Variants in DNAH6 observed in about 807,000 individuals in gnomAD.
DNAH6 encodes the protein dynein axonemal heavy chain 6, also known as axonemal beta dynein heavy chain 6.
In DNAH6, 340 loss-of-function variants were observed where a neutral mutation model predicts 491.4. That is an observed-to-expected ratio of 0.69 (90% CI 0.63 to 0.76). DNAH6 has a LOEUF of 0.76. Among genes scored for constraint, DNAH6 ranks in the 30% least tolerant of loss-of-function variants. The pLI is 0.00. For missense variants in DNAH6, 4,443 were observed against 4,972.2 expected, an observed-to-expected ratio of 0.89 and a Z score of 3.20; for synonymous variants, 1,603 against 1,686.1, an observed-to-expected ratio of 0.95 and a Z score of 1.21.
chr2:84,771,631 C>T (rs1194012139), intron 64 of DNAH6, among the ~76,000 whole-genome samples: 1 of 152,158 alleles, frequency 6.6e-6, no homozygotes, highest in East Asian at 1.9e-4. Flanking sequence ...ATGGCTGATT[C>T]TCATCAGAAT....
At chr2:84,804,539 G>C (rs1476977501) in intron 70 of DNAH6, among the ~76,000 whole-genome samples, 2 of 151,752 alleles carry the variant, frequency 1.3e-5, no homozygotes, top group Non-Finnish European at 1.5e-5. Flanking sequence ...TGGAAAGTAA[G>C]TATCATGAAT....
At chr2:84,793,965 G>A (rs1363108549) in intron 68 of DNAH6, among the ~76,000 whole-genome samples, 10 of 152,172 alleles carry the variant, frequency 6.6e-5, no homozygotes, top group African/African-American at 2.4e-4. Context: ...CATGATACTG[G>A]TACCAAAACA....
intron 63 of DNAH6, among the ~76,000 whole-genome samples, chr2:84,750,268 T>C (rs879417582): frequency 6.9e-6 from 1 of 145,474 alleles, no homozygotes; most frequent in Non-Finnish European, 1.5e-5. Flanking sequence ...CTCCACTCAC[T>C]GCAACCTCTG....
chr2:84,476,809 A>G, the DNAH6 span, among the ~76,000 whole-genome samples: 1 of 152,202 alleles, frequency 6.6e-6, no homozygotes, highest in Admixed American at 6.5e-5. Context: ...CTGAATACTA[A>G]CTTTCACTCC....
rs79922678 is a variant in DNAH6, at chr2:84,651,260, G to A, written c.5079-2059G>A. The stretch of plus-strand genomic sequence containing the variant: ...TCATTATTCTTGGGTAGGGCTGGAA[G>A]TCCAGGCTTCCCATATGGTCTACAC... On this transcript the variant is annotated intron_variant, in intron 33 of 76. Transcript: ENST00000389394. Among the ~76,000 whole-genome samples, 399 of 152,292 alleles carry A rather than the reference G, an allele frequency of 2.6e-3. 20 individuals are homozygous for A. In the East Asian group the frequency reaches 0.063, roughly 24 times the overall value.
intron 73 of DNAH6, 55 bp downstream of exon 73, chr2:84,812,581 A>G: frequency 6.9e-7 from 1 of 1,450,466 alleles, no homozygotes; most frequent in Non-Finnish European, 9.4e-7. Flanking sequence ...AGTTGGCCTA[A>G]GGTCCCTAGG....
At chr2:84,734,937 G>C (rs147871354) in intron 62 of DNAH6, among the ~76,000 whole-genome samples, 1 of 152,028 alleles carries the variant, frequency 6.6e-6, no homozygotes, top group African/African-American at 2.4e-5. Flanking sequence ...TACGTGTGCT[G>C]GTTTGTTACA....
chr2:84,695,330 T>C (rs1695273053), intron 46 of DNAH6, among the ~76,000 whole-genome samples: 1 of 151,898 alleles, frequency 6.6e-6, no homozygotes, highest in African/African-American at 2.4e-5. Flanking sequence ...GCCTTGCAAG[T>C]TGATAATGGT....
At chr2:84,665,855 A>C (rs939988517) in intron 37 of DNAH6, among the ~76,000 whole-genome samples, 5 of 152,194 alleles carry the variant, frequency 3.3e-5, no homozygotes, top group Admixed American at 2.6e-4. Context: ...ATCCTCAATA[A>C]AATGCTGGCA....
At chr2:84,796,634 G>A (rs572509112) in intron 69 of DNAH6, among the ~76,000 whole-genome samples, 9 of 152,206 alleles carry the variant, frequency 5.9e-5, no homozygotes, top group Admixed American at 3.9e-4. Flanking sequence ...GAATTACTTC[G>A]ATTTTAAAGC....
intron 64 of DNAH6, chr2:84,777,914 G>C (rs1232408449): frequency 1.7e-6 from 2 of 1,145,554 alleles, no homozygotes. Flanking sequence ...GTTCACGTTA[G>C]GCTGGACCAA....
At chr2:84,542,553 T>C (rs1389575981) in intron 4 of DNAH6, among the ~76,000 whole-genome samples, 1 of 152,052 alleles carries the variant, frequency 6.6e-6, no homozygotes, top group Non-Finnish European at 1.5e-5. Context: ...GGACTATTCC[T>C]CTCCCACTTC....
the DNAH6 span, among the ~76,000 whole-genome samples, chr2:84,467,088 A>G: frequency 4.6e-5 from 7 of 152,328 alleles, 1 homozygote; most frequent in South Asian, 1.4e-3. Flanking sequence ...CATTTATTCC[A>G]ATGTTCAGTT....
rs895918865 is a variant in DNAH6, at chr2:84,579,549, G to A, written c.2099G>A (p.Arg700His). 77 of 1,613,582 alleles carry A rather than the reference G, an allele frequency of 4.8e-5. No individual in the cohort carries two copies. The highest frequency in any genetic ancestry group is 8.0e-5 in the African/African-American group (6 of 74,950). Residue 700 changes from arginine (R) to histidine (H), a missense_variant, in exon 14 of 77, where the codon CGT becomes CAT. Physicochemically the swap from Arg to His is conservative, Grantham distance 29. Coordinates refer to ENST00000389394, the MANE Select transcript of DNAH6 (RefSeq NM_001370.2). Reference protein sequence around the residue: ...CLEVLNFMLPRQSKKKVDAII... With the variant: ...CLEVLNFMLPHQSKKKVDAII... ...TAGGTGCTAAATTTTATGCTTCCTC[G>A]TCAAAGCAAGAAAAAAGTGGATGCC... is the stretch of plus-strand genomic sequence containing the variant.
At chr2:84,737,963 TA>T (rs1672161767) in intron 62 of DNAH6, among the ~76,000 whole-genome samples, 1 of 152,146 alleles carries the variant, frequency 6.6e-6, no homozygotes, top group African/African-American at 2.4e-5. Context: ...ATGTCATTTC[TA>T]ACTTCTCGAT....
At chr2:84,738,870 T>C (rs758709154) in intron 62 of DNAH6, among the ~76,000 whole-genome samples, 6 of 152,208 alleles carry the variant, frequency 3.9e-5, no homozygotes, top group Non-Finnish European at 5.9e-5. Flanking sequence ...TTTGTTGCTG[T>C]CATAATGTTG....
At chr2:84,473,621 A>T in the DNAH6 span, among the ~76,000 whole-genome samples, 50 of 152,240 alleles carry the variant, frequency 3.3e-4, no homozygotes, top group African/African-American at 1.1e-3. Context: ...GAGACATAGC[A>T]TAGGTAGGAA....
At chr2:84,746,088 G>A (rs1672955808) in intron 63 of DNAH6, among the ~76,000 whole-genome samples, 1 of 152,202 alleles carries the variant, frequency 6.6e-6, no homozygotes, top group Non-Finnish European at 1.5e-5. Context: ...AAGGAGTAAT[G>A]TGTGAGAGAG....
intron 16 of DNAH6, among the ~76,000 whole-genome samples, chr2:84,592,419 G>A (rs544521080): frequency 1.3e-5 from 2 of 152,104 alleles, no homozygotes; most frequent in South Asian, 4.1e-4. Flanking sequence ...TGTTAGAATG[G>A]CCATTACAAA....
Sources: allele counts gnomAD v4.1 joint callset (sites outside exome capture counted in the v4.1 genomes callset), GRCh38; gene constraint gnomAD v4.1.1; transcripts MANE v1.5; gene names NCBI Gene and HGNC (gene_info 2026-07-23, HGNC 2026-07-21).